EFCAB11: variants seen among roughly 807,000 people sequenced by gnomAD.
EFCAB11 encodes EF-hand calcium-binding domain-containing protein 11.
Under a neutral mutation model 23.0 loss-of-function variants are expected in EFCAB11, and 14 were observed. The observed-to-expected ratio is 0.61, with a 90% confidence interval of 0.40 to 0.95. The LOEUF (loss-of-function observed/expected upper bound fraction) is 0.95. Ranked by LOEUF, EFCAB11 falls within the 40% of genes least tolerant of loss-of-function variation. The pLI is 0.00. For synonymous variants in EFCAB11, 65 were observed against 66.6 expected (o/e 0.98, Z 0.11); for missense variants, 198 against 195.8 (o/e 1.01, Z -0.07).
chr14:89,902,855 T>C, intron 5 of EFCAB11, among the ~76,000 whole-genome samples: 1 of 152,240 alleles, frequency 6.6e-6, no homozygotes, highest in East Asian at 1.9e-4. Context: ...GCTATTACAT[T>C]ATTTTCTATC....
chr14:89,922,100 A>T (rs1490909054), intron 5 of EFCAB11, among the ~76,000 whole-genome samples: 2 of 152,244 alleles, frequency 1.3e-5, no homozygotes, highest in Non-Finnish European at 2.9e-5. Context: ...GCAGTTTCCT[A>T]TGTGACAGCT....
chr14:89,928,218 T>C (rs2139801390), intron 5 of EFCAB11, among the ~76,000 whole-genome samples: 1 of 152,316 alleles, frequency 6.6e-6, no homozygotes, highest in Non-Finnish European at 1.5e-5. Flanking sequence ...AATATACTTA[T>C]TTATAGAGGA....
At chr14:89,952,939 TG>T (rs1891224912) in intron 2 of EFCAB11, among the ~76,000 whole-genome samples, 1 of 152,120 alleles carries the variant, frequency 6.6e-6, no homozygotes, top group Non-Finnish European at 1.5e-5. Flanking sequence ...AGAAGGGTGT[TG>T]TCTCTCGAAT....
rs781059654 is a variant in EFCAB11 at position 89,797,324 on chromosome 14, C to T, written c.411G>A (p.Arg137=). ...LPERTVLEVF[R]EVDRDSDGHV... is the part of the protein sequence containing the mutation. ...GACCATCTGAATCTCGATCTACTTC[C>T]CTGGAAAATGAAACAAAAAGTCATT... Residue 137 remains arginine, a splice_region_variant and synonymous_variant, in exon 6 of 6, where the codon AGG becomes AGA. Transcript: ENST00000316738. The T allele has an allele frequency of 1.2e-6, 2 of 1,612,420 alleles. No individual in the cohort carries two copies. The highest frequency in any genetic ancestry group is 2.2e-5 in the South Asian group (2 of 91,032).
chr14:89,847,216 T>A (rs1443692706), intron 5 of EFCAB11, among the ~76,000 whole-genome samples: 1 of 152,234 alleles, frequency 6.6e-6, no homozygotes, highest in Non-Finnish European at 1.5e-5. Context: ...TTTGATCTCC[T>A]GATGGCATCC....
chr14:89,830,799 T>A (rs1169238590), intron 5 of EFCAB11: 1 of 152,242 alleles, frequency 6.6e-6, no homozygotes, highest in Non-Finnish European at 1.5e-5. Context: ...TTCTCATGCT[T>A]AGTGCTATAC....
chr14:89,797,216 A>C lies in EFCAB11; in HGVS notation c.*27T>G. On this transcript the variant is annotated 3_prime_UTR_variant, in exon 6 of 6. Coordinates refer to ENST00000316738, the MANE Select transcript of EFCAB11 (RefSeq NM_145231.4). ...GACATTACAATCTATTGATCTCCCC[A>C]GAGTTACCAAAAGTAGTTCACAATA... The C allele has an allele frequency of 2.5e-6, 4 of 1,593,976 alleles. No homozygotes were observed. The highest frequency in any genetic ancestry group is 3.4e-6 in the Non-Finnish European group (4 of 1,163,170).
chr14:89,926,667 G>A (rs1317513786), intron 5 of EFCAB11, among the ~76,000 whole-genome samples: 1 of 152,130 alleles, frequency 6.6e-6, no homozygotes, highest in Non-Finnish European at 1.5e-5. Context: ...AACTTAAAAG[G>A]ACTTCCAAAA....
intron 5 of EFCAB11, among the ~76,000 whole-genome samples, chr14:89,928,057 T>C (rs2401858): frequency 0.19 from 28,679 of 152,098 alleles, 3,139 homozygotes; most frequent in South Asian, 0.32. Context: ...TTTGGGATTG[T>C]GATATTATAA....
intron 5 of EFCAB11, among the ~76,000 whole-genome samples, chr14:89,926,428 A>G (rs180743159): frequency 1.3e-5 from 2 of 152,326 alleles, no homozygotes; most frequent in East Asian, 3.9e-4. Flanking sequence ...GAAAGTAGGT[A>G]GGGGAGCTAC....
intron 5 of EFCAB11, among the ~76,000 whole-genome samples, chr14:89,875,872 A>G (rs1032613343): frequency 6.6e-6 from 1 of 152,184 alleles, no homozygotes; most frequent in Non-Finnish European, 1.5e-5. Flanking sequence ...TGGAAAGGGC[A>G]TGCAGGCAGA....
intron 3 of EFCAB11, among the ~76,000 whole-genome samples, chr14:89,934,082 C>T (rs72697367): frequency 0.094 from 14,276 of 152,134 alleles, 996 homozygotes; most frequent in South Asian, 0.21. Flanking sequence ...GCAGCAGGGG[C>T]CAAAACTCAC....
intron 5 of EFCAB11, among the ~76,000 whole-genome samples, chr14:89,926,056 C>T (rs555358811): frequency 1.3e-5 from 2 of 152,052 alleles, no homozygotes; most frequent in East Asian, 1.9e-4. Context: ...TCTCAAGTGA[C>T]CCACTCGTCT....
At chr14:89,922,810 T>C (rs564972035) in intron 5 of EFCAB11, among the ~76,000 whole-genome samples, 1 of 152,144 alleles carries the variant, frequency 6.6e-6, no homozygotes, top group East Asian at 1.9e-4. Context: ...TGAAAAAGCA[T>C]GAAGAAGAAA....
In EFCAB11 at chr14:89,891,928, G is replaced by A. The variant is rs112757133; in HGVS notation, c.410+39613C>T. Among the ~76,000 whole-genome samples, 281 of 152,174 alleles carry A rather than the reference G, an allele frequency of 1.8e-3. 1 individual carries two copies. Among genetic ancestry groups the A allele is most frequent in the Middle Eastern group, 0.01 (3 of 292 alleles). On this transcript the variant is annotated intron_variant, in intron 5 of 5. Coordinates refer to ENST00000316738, the MANE Select transcript of EFCAB11 (RefSeq NM_145231.4). ...CACAGCCCAAGCCCGAGCCCACGGTGGGCGCCGAGTGCTACCGCCGCGCGC... is the reference window on the plus strand; with the variant it reads ...CACAGCCCAAGCCCGAGCCCACGGTAGGCGCCGAGTGCTACCGCCGCGCGC...
At chr14:89,886,084 A>C (rs1888763263) in intron 5 of EFCAB11, among the ~76,000 whole-genome samples, 1 of 152,238 alleles carries the variant, frequency 6.6e-6, no homozygotes, top group African/African-American at 2.4e-5. Context: ...GCAACATAAC[A>C]GAGAGTCAAG....
At chr14:89,860,848 G>A (rs536670969) in intron 5 of EFCAB11, among the ~76,000 whole-genome samples, 4 of 152,298 alleles carry the variant, frequency 2.6e-5, no homozygotes, top group East Asian at 3.9e-4. Flanking sequence ...GTCAGTTAAG[G>A]AGTAAATTTC....
At chr14:89,899,933 C>G (rs1443389233) in intron 5 of EFCAB11, among the ~76,000 whole-genome samples, 1 of 152,110 alleles carries the variant, frequency 6.6e-6, no homozygotes, top group Non-Finnish European at 1.5e-5. Context: ...CACTAAAGAC[C>G]CTGCCACTCC....
chr14:89,853,966 A>G (rs150415307), intron 5 of EFCAB11, among the ~76,000 whole-genome samples: 10 of 152,340 alleles, frequency 6.6e-5, no homozygotes, highest in African/African-American at 2.4e-4. Context: ...AAGTTTATAG[A>G]CTATAATAAC....
Sources: allele counts gnomAD v4.1 joint callset (sites outside exome capture counted in the v4.1 genomes callset), GRCh38; gene constraint gnomAD v4.1.1; transcripts MANE v1.5; gene names NCBI Gene and HGNC (gene_info 2026-07-23, HGNC 2026-07-21).